The following GPC6 variants were observed in gnomAD, a reference collection of about 807,000 sequenced individuals.
GPC6 encodes glypican-6.
Under a neutral mutation model 55.2 loss-of-function variants are expected in GPC6, and 14 were observed. The observed-to-expected ratio is 0.25, with a 90% CI of 0.17 to 0.40. The LOEUF (loss-of-function observed/expected upper bound fraction) is 0.40. GPC6 is among the 10% of genes least tolerant of loss of function. The pLI, the probability that GPC6 is intolerant of heterozygous loss-of-function variation, is 1.00. For missense variants in GPC6, 641 were observed against 708.5 expected, an observed-to-expected ratio of 0.90 and a Z score of 1.08; for synonymous variants, 278 against 259.6, an observed-to-expected ratio of 1.07 and a Z score of -0.68.
intron 2 of GPC6, among the ~76,000 whole-genome samples, chr13:93,621,590 A>G (rs1878952619): frequency 6.6e-6 from 1 of 152,152 alleles, no homozygotes; most frequent in Non-Finnish European, 1.5e-5. Context: ...GATTAATATT[A>G]CACTTCAACT....
rs145858208 is a variant in GPC6 at position 93,771,678 on chromosome 13, T to A, written c.320-58476T>A. Among the ~76,000 whole-genome samples, 492 of 151,676 alleles carry A rather than the reference T, an allele frequency of 3.2e-3. 3 individuals carry two copies. Among genetic ancestry groups the A allele is most frequent in the African/African-American group, 0.011 (463 of 41,318 alleles). ...CATGGCACATGTATACATATGTAAC[T>A]AACCTGCACAATGTGCACATGTACC... On this transcript the variant is annotated intron_variant, in intron 2 of 8. Coordinates refer to ENST00000377047, the MANE Select transcript of GPC6 (RefSeq NM_005708.5).
intron 3 of GPC6, among the ~76,000 whole-genome samples, chr13:94,005,282 G>A (rs760266176): frequency 8.5e-5 from 13 of 152,148 alleles, no homozygotes; most frequent in Non-Finnish European, 1.8e-4. Flanking sequence ...CTATGTCGCA[G>A]TTTGTTTGGA....
rs185632752 is a variant in GPC6, at chr13:94,094,023, T to G, written c.877+66129T>G. ...GAGTCCTATTACTGCTGAAAAATAC[T>G]TAAGGAAAATAAATTCAGCAACAGG... is the stretch of plus-strand genomic sequence containing the variant. On this transcript the variant is annotated intron_variant, in intron 4 of 8. Transcript: ENST00000377047. Among the ~76,000 whole-genome samples, 4 of 151,086 alleles carry G rather than the reference T, an allele frequency of 2.6e-5. No individual in the cohort carries two copies. The East Asian group carries it at 7.8e-4, about 30-fold the overall frequency.
chr13:94,024,308 G>T (rs1247655505), intron 3 of GPC6, among the ~76,000 whole-genome samples: 1 of 152,002 alleles, frequency 6.6e-6, no homozygotes, highest in Non-Finnish European at 1.5e-5. Flanking sequence ...AACTATTTTT[G>T]AGCTTATATT....
intron 2 of GPC6, among the ~76,000 whole-genome samples, chr13:93,811,770 G>C (rs1288079974): frequency 6.6e-6 from 1 of 152,154 alleles, no homozygotes; most frequent in Non-Finnish European, 1.5e-5. Context: ...AGGAATTGCT[G>C]TGTGATTAAT....
intron 1 of GPC6, among the ~76,000 whole-genome samples, chr13:93,452,196 C>T (rs1216929949): frequency 1.3e-5 from 2 of 152,074 alleles, no homozygotes; most frequent in African/African-American, 4.8e-5. Context: ...CTTTATCCAG[C>T]CAACCATAGT....
At chr13:94,258,193 T>G (rs1891557797) in intron 4 of GPC6, among the ~76,000 whole-genome samples, 1 of 152,154 alleles carries the variant, frequency 6.6e-6, no homozygotes, top group African/African-American at 2.4e-5. Flanking sequence ...GAACATGTCT[T>G]TACACCCAGC....
chr13:94,196,863 A>G (rs1259597874), intron 4 of GPC6, among the ~76,000 whole-genome samples: 2 of 152,236 alleles, frequency 1.3e-5, no homozygotes, highest in African/African-American at 4.8e-5. Flanking sequence ...TAGGAAATGC[A>G]AAATATTTTT....
chr13:93,690,395 C>A (rs990191602), intron 2 of GPC6, among the ~76,000 whole-genome samples: 5 of 152,000 alleles, frequency 3.3e-5, no homozygotes, highest in African/African-American at 1.2e-4. Context: ...AGCTCCCTGG[C>A]AGCTGAGATG....
intron 7 of GPC6, among the ~76,000 whole-genome samples, chr13:94,387,827 C>T (rs944614183): frequency 6.6e-6 from 1 of 151,640 alleles, no homozygotes; most frequent in Admixed American, 6.6e-5. Flanking sequence ...TAATCAGACA[C>T]AGGATATGCC....
intron 5 of GPC6, among the ~76,000 whole-genome samples, chr13:94,297,586 G>A (rs1195805566): frequency 6.6e-6 from 1 of 152,170 alleles, no homozygotes; most frequent in Non-Finnish European, 1.5e-5. Flanking sequence ...CTCATGCAAT[G>A]CAAATGAAAA....
At chr13:93,497,675 G>A (rs965430349) in intron 1 of GPC6, among the ~76,000 whole-genome samples, 4 of 152,186 alleles carry the variant, frequency 2.6e-5, no homozygotes, top group Non-Finnish European at 2.9e-5. Flanking sequence ...AACGTATCAG[G>A]TCTTTAAATT....
intron 3 of GPC6, among the ~76,000 whole-genome samples, chr13:93,958,930 C>T (rs921730691): frequency 4.6e-5 from 7 of 152,142 alleles, no homozygotes; most frequent in African/African-American, 7.2e-5. Context: ...TCAGTTTCTT[C>T]GTGGCTATTG....
rs201430264 is a variant in GPC6 at position 93,391,184 on chromosome 13, TG to T, written c.161-154078del. ...ATACTGCCATTTAAATTAGGAGCAGTGTAATTTAGAGCCATAGGGAATATGA... is the reference window on the plus strand; with the variant it reads ...ATACTGCCATTTAAATTAGGAGCAGTTAATTTAGAGCCATAGGGAATATGA... On this transcript the variant is annotated intron_variant, in intron 1 of 8. Transcript: ENST00000377047. Among the ~76,000 whole-genome samples the T allele has an allele frequency of 8.2e-3, 1,252 of 152,214 alleles. 20 individuals carry two copies. The highest frequency in any genetic ancestry group is 0.028 in the African/African-American group (1,178 of 41,522).
intron 1 of GPC6, among the ~76,000 whole-genome samples, chr13:93,484,914 A>G (rs961177703): frequency 1.3e-5 from 2 of 152,232 alleles, no homozygotes; most frequent in African/African-American, 4.8e-5. Flanking sequence ...ATGAATTTGT[A>G]GAGTTATTCT....
intron 3 of GPC6, among the ~76,000 whole-genome samples, chr13:93,907,049 A>C (rs1333612120): frequency 6.6e-6 from 1 of 152,192 alleles, no homozygotes; most frequent in Non-Finnish European, 1.5e-5. Flanking sequence ...ATGAGACTAG[A>C]GATAGGAGAA....
intron 6 of GPC6, among the ~76,000 whole-genome samples, chr13:94,340,354 C>T (rs1297520175): frequency 1.3e-5 from 2 of 152,074 alleles, no homozygotes; most frequent in Admixed American, 1.3e-4. Flanking sequence ...AAAAAATCTA[C>T]CAATTATCAA....
intron 1 of GPC6, among the ~76,000 whole-genome samples, chr13:93,281,573 G>A (rs1384254930): frequency 2.6e-5 from 4 of 152,144 alleles, no homozygotes; most frequent in East Asian, 1.9e-4. Context: ...CAGCACTTTC[G>A]GAGGCCAAGG....
chr13:93,738,598 C>CTAAT (rs993345742), intron 2 of GPC6, among the ~76,000 whole-genome samples: 2 of 152,094 alleles, frequency 1.3e-5, no homozygotes, highest in Non-Finnish European at 1.5e-5. Flanking sequence ...TCATGGTTAA[C>CTAAT]ATTATAATAG....
Sources: gnomAD v4.1 joint callset for allele counts (sites outside exome capture counted in the v4.1 genomes callset) on GRCh38, gnomAD v4.1.1 for gene constraint, MANE v1.5 for transcripts, NCBI Gene and HGNC (gene_info 2026-07-23, HGNC 2026-07-21) for gene names.